The following ARGLU1 variants were observed in gnomAD, a reference collection of about 807,000 sequenced individuals.
ARGLU1 encodes the protein arginine and glutamate-rich protein 1.
A neutral mutation model predicts 37.6 loss-of-function variants in ARGLU1; 9 were observed. The observed-to-expected ratio is 0.24, with a 90% CI of 0.14 to 0.42. The LOEUF is 0.42. ARGLU1 is among the 10% of genes least tolerant of loss of function. ARGLU1 has a pLI of 1.00. For synonymous variants in ARGLU1, 166 were observed against 138.5 expected (o/e 1.20, Z -1.39); for missense variants, 211 against 359.2 (o/e 0.59, Z 3.34).
At chr13:106,551,718 T>G (rs1468317276) in intron 3 of ARGLU1, among the ~76,000 whole-genome samples, 2 of 152,190 alleles carry the variant, frequency 1.3e-5, no homozygotes, top group Non-Finnish European at 2.9e-5. Context: ...GCGGAGAGTC[T>G]GCTCCTTGTC....
At chr13:106,547,568 G>A (rs1880424334) in intron 3 of ARGLU1, among the ~76,000 whole-genome samples, 1 of 152,144 alleles carries the variant, frequency 6.6e-6, no homozygotes. Flanking sequence ...AGGCCCCTAT[G>A]TTCCGCAATG....
At chr13:106,553,851 T>G (rs1403403130) in intron 3 of ARGLU1, among the ~76,000 whole-genome samples, 37 of 152,216 alleles carry the variant, frequency 2.4e-4, no homozygotes, top group Admixed American at 2.4e-3. Flanking sequence ...CATTATCAAC[T>G]TGTCTTTTCT....
At chr13:106,547,995 C>T (rs1471148865) in intron 3 of ARGLU1, among the ~76,000 whole-genome samples, 4 of 152,146 alleles carry the variant, frequency 2.6e-5, no homozygotes, top group Admixed American at 2.6e-4. Flanking sequence ...TATGTATGTA[C>T]AGCAGAGTTG....
intron 3 of ARGLU1, among the ~76,000 whole-genome samples, chr13:106,545,860 TG>T (rs1436576484): frequency 6.6e-6 from 1 of 152,194 alleles, no homozygotes; most frequent in Non-Finnish European, 1.5e-5. Flanking sequence ...AGAGCTAAAA[TG>T]TATCTTTAAG....
intron 3 of ARGLU1, among the ~76,000 whole-genome samples, chr13:106,553,023 C>A (rs1411790614): frequency 1.3e-5 from 2 of 152,100 alleles, no homozygotes; most frequent in East Asian, 3.9e-4. Flanking sequence ...TTACGGGATT[C>A]AATCTGTGAA....
chr13:106,555,937 T>G lies in ARGLU1; in HGVS notation c.657+1111A>C, dbSNP rs934034874. On this transcript the variant is annotated intron_variant, in intron 3 of 3. Transcript: ENST00000400198. ...GATTTAACTGTCAACCATATTTTTTTCTTCTTTTCTGAAACATCCATGCCT... is the reference window on the plus strand; with the variant it reads ...GATTTAACTGTCAACCATATTTTTTGCTTCTTTTCTGAAACATCCATGCCT... Among the ~76,000 whole-genome samples, 3 of 152,162 alleles carry G rather than the reference T, an allele frequency of 2.0e-5. No individual in the cohort carries two copies. In the East Asian group the frequency reaches 5.8e-4, roughly 29 times the overall value.
In ARGLU1 at chr13:106,544,041, C is replaced by T; in HGVS notation, c.777G>A (p.Gly259=). ...KEEQKIILGK[G]KSRPKLSFSL... ...AGAAGGACAGTTTTGGCCTGGACTT[C>T]CCCTTGCCCAGGATAATTTTTTGTT... The change falls in exon 4 of 4, where the codon GGG becomes GGA. Residue 259 remains glycine (G), a synonymous_variant. Transcript: ENST00000400198. 1 of 1,602,320 alleles carries T rather than the reference C, an allele frequency of 6.2e-7. No individual in the cohort carries two copies. The highest frequency in any genetic ancestry group is 1.1e-5 in the South Asian group (1 of 88,464).
chr13:106,560,105 T>C (rs1880758272), intron 1 of ARGLU1, among the ~76,000 whole-genome samples: 1 of 152,220 alleles, frequency 6.6e-6, no homozygotes, highest in Non-Finnish European at 1.5e-5. Context: ...GATTTCCCGC[T>C]AAGCAAAGAG....
Position 106,557,090 on chromosome 13 carries a change from C to G in ARGLU1, c.615G>C (p.Leu205=). The part of the protein sequence containing the change: ...RAKREELERI[L]EENNRKIAEA... ...CTGCAATTTTTCGGTTATTCTCTTC[C>G]AGTATTCGCTCTAGCTCCTCACGTT... Residue 205 remains leucine (L), a synonymous_variant, in exon 3 of 4, where the codon CTG becomes CTC. Coordinates refer to ENST00000400198, the MANE Select transcript of ARGLU1 (RefSeq NM_018011.4). This position sits in a 1 kb window ranked among gnomAD's most constrained non-coding sequence, Gnocchi z 5.0. 6.2e-7 allele frequency: 1 copy of G among 1,614,070 alleles called. No homozygotes were observed. Among genetic ancestry groups the G allele is most frequent in the Non-Finnish European group, 8.5e-7 (1 of 1,179,950 alleles).
In ARGLU1 at chr13:106,543,896, A is replaced by G. The variant is rs553428007; in HGVS notation, c.*100T>C. ...AACAAGCTAACTTTCCAGATTTTAC[A>G]AATTAAAAAAACAAAAACAAAAACA... On this transcript the variant is annotated 3_prime_UTR_variant, in exon 4 of 4. Transcript: ENST00000400198. 27 of 1,233,706 alleles carry G rather than the reference A, an allele frequency of 2.2e-5. No homozygotes were observed. The highest frequency in any genetic ancestry group is 3.0e-5 in the Non-Finnish European group (27 of 899,956). The allele number at this position is 1,233,706 out of a possible 1,614,324, so 76.4% of individuals were successfully genotyped here.
At chr13:106,550,134 AGT>A (rs1435798873) in intron 3 of ARGLU1, among the ~76,000 whole-genome samples, 8 of 152,156 alleles carry the variant, frequency 5.3e-5, no homozygotes, top group African/African-American at 1.9e-4. Flanking sequence ...TTACATCAGG[AGT>A]GTCTTTTCTG....
At chr13:106,544,993 C>G (rs1379009513) in intron 3 of ARGLU1, among the ~76,000 whole-genome samples, 1 of 152,176 alleles carries the variant, frequency 6.6e-6, no homozygotes, top group Non-Finnish European at 1.5e-5. Flanking sequence ...CCCTCTTTAC[C>G]AAAGTCAGGC....
Position 106,567,889 on chromosome 13 carries a change from G to C in ARGLU1, c.31C>G (p.Arg11Gly), listed in dbSNP as rs1208491821. ...TTGCTGCTCTTGGTGTGCTTGGAGC[G>C]GGACGAGCTCCGGCTCCGAGACCGG... MGRSRSRSSSRSKHTKSSKHN... is the reference protein window; with the variant it reads MGRSRSRSSSGSKHTKSSKHN... The change falls in exon 1 of 4, where the codon CGC becomes GGC. Residue 11 changes from arginine (R) to glycine (G), a missense_variant. Arg to Gly is a moderately radical substitution (Grantham distance 125). Coordinates refer to ENST00000400198, the MANE Select transcript of ARGLU1 (RefSeq NM_018011.4). The surrounding 1 kb of genome is among the most constrained non-coding windows in gnomAD (Gnocchi z 4.3). The C allele has an allele frequency of 2.5e-6, 4 of 1,610,546 alleles. No homozygotes were observed. The highest frequency in any genetic ancestry group is 1.7e-5 in the Admixed American group (1 of 59,854).
intron 3 of ARGLU1, 103 bp downstream of exon 3, chr13:106,556,945 C>T (rs1258919207): frequency 1.0e-6 from 1 of 1,001,312 alleles, no homozygotes; most frequent in Non-Finnish European, 1.5e-6. Flanking sequence ...GAGAATCCCC[C>T]CAAAATAAGT....
rs1344494824 is a variant in ARGLU1, at chr13:106,543,801, G to T, written c.*195C>A. 6.1e-6 allele frequency: 3 copies of T among 493,344 alleles called. No individual in the cohort carries two copies. The East Asian group carries it at 1.1e-4, about 18-fold the overall frequency. The allele number at this position is 493,344 out of a possible 1,614,324, so 30.6% of individuals were successfully genotyped here. A position where few individuals can be genotyped will look rare whatever the true frequency, so the allele number is the denominator to read the frequency against. On this transcript the variant is annotated 3_prime_UTR_variant, in exon 4 of 4. Coordinates refer to ENST00000400198, the MANE Select transcript of ARGLU1 (RefSeq NM_018011.4). ...ACTCCTTAGAATACAACAATGATCTGATAAGGATTTGACTTAGTGGAAGGA... is the reference window on the plus strand; with the variant it reads ...ACTCCTTAGAATACAACAATGATCTTATAAGGATTTGACTTAGTGGAAGGA...
intron 3 of ARGLU1, 149 bp downstream of exon 3, chr13:106,556,899 C>T (rs1351196725): frequency 1.3e-5 from 8 of 630,802 alleles, no homozygotes; most frequent in Non-Finnish European, 2.2e-5. Flanking sequence ...TCAATTGTTC[C>T]TATCCTTGCC....
At chr13:106,552,277 TA>T (rs1415361100) in intron 3 of ARGLU1, among the ~76,000 whole-genome samples, 1 of 152,194 alleles carries the variant, frequency 6.6e-6, no homozygotes, top group East Asian at 1.9e-4. Context: ...ATTTCATTAG[TA>T]AAGAGATCTG....
intron 3 of ARGLU1, 85 bp downstream of exon 3, chr13:106,556,963 T>C: frequency 3.3e-6 from 4 of 1,198,422 alleles, no homozygotes; most frequent in South Asian, 1.2e-5. Context: ...AGTCAAATTA[T>C]AGGGCACAAA....
chr13:106,543,914 C>T lies in ARGLU1; in HGVS notation c.*82G>A. ...ATTTTACAAATTAAAAAAACAAAAA[C>T]AAAAACAAAAAACCACTTCAACATG... is the stretch of plus-strand genomic sequence containing the variant. On this transcript the variant is annotated 3_prime_UTR_variant, in exon 4 of 4. Transcript: ENST00000400198. 2 of 1,327,312 alleles carry T rather than the reference C, an allele frequency of 1.5e-6. No homozygotes were observed. The highest frequency in any genetic ancestry group is 3.0e-5 in the South Asian group (2 of 66,532). 82.2% of individuals were successfully genotyped at this position (1,327,312 alleles called of 1,614,324 possible). A position where few individuals can be genotyped will look rare whatever the true frequency, so the allele number is the denominator to read the frequency against.
Sources: allele counts gnomAD v4.1 joint callset (sites outside exome capture counted in the v4.1 genomes callset), GRCh38; gene constraint gnomAD v4.1.1; non-coding constraint Gnocchi (gnomAD v3.1); transcripts MANE v1.5; gene names NCBI Gene and HGNC (gene_info 2026-07-23, HGNC 2026-07-21).